The following PTPRE variants were observed in gnomAD, a reference collection of about 807,000 sequenced individuals.
The protein encoded by PTPRE is protein tyrosine phosphatase receptor type E, also known as receptor-type tyrosine-protein phosphatase epsilon.
A neutral mutation model predicts 102.0 loss-of-function variants in PTPRE; 51 were observed. The ratio of observed to expected loss-of-function variants is 0.50; its 90% CI spans 0.40 to 0.63. The LOEUF is 0.63. Ranked by LOEUF, PTPRE falls within the 30% of genes least tolerant of loss-of-function variation. The probability of loss-of-function intolerance (pLI) is 0.00; values close to 1 mark genes in which losing one functional copy is unlikely to be tolerated. For missense variants in PTPRE, 752 were observed against 915.1 expected (o/e 0.82, Z 2.30); for synonymous variants, 345 against 348.2 (o/e 0.99, Z 0.10).
chr10:128,011,351 G>A (rs1020914387), intron 2 of PTPRE, among the ~76,000 whole-genome samples: 2 of 152,234 alleles, frequency 1.3e-5, no homozygotes, highest in East Asian at 3.9e-4. Flanking sequence ...AAATGTTTGG[G>A]CATTGGTGAA....
chr10:128,040,953 G>T lies in PTPRE; in HGVS notation c.72G>T (p.Glu24Asp). 1.9e-6 allele frequency: 3 copies of T among 1,614,084 alleles called. No individual in the cohort carries two copies. The highest frequency in any genetic ancestry group is 2.5e-6 in the Non-Finnish European group (3 of 1,180,006). Reference sequence around the variant, plus strand: ...TCGCCAGGGCTCTCAGGGGCAACGAGACCACTGCCGACAGCAACGAGACAA... The same window carrying T: ...TCGCCAGGGCTCTCAGGGGCAACGATACCACTGCCGACAGCAACGAGACAA... Reference protein sequence around the residue: ...LPLARALRGNETTADSNETTT... With the variant: ...LPLARALRGNDTTADSNETTT... The change falls in exon 3 of 21, where the codon GAG (glutamate) becomes GAT (aspartate). Residue 24 changes from glutamate (E) to aspartate (D), a missense_variant. By Grantham distance (45) the Glu-to-Asp change is conservative. Around this residue, in one of 2 missense-constraint regions of PTPRE, gnomAD observed 116 missense variants for 90.8 expected, o/e 1.28. Transcript: ENST00000254667.
chr10:127,960,640 C>T (rs1849721579), intron 1 of PTPRE, among the ~76,000 whole-genome samples: 1 of 152,214 alleles, frequency 6.6e-6, no homozygotes, highest in Non-Finnish European at 1.5e-5. Flanking sequence ...GACCTCCTAG[C>T]TCAATAAATG....
chr10:128,074,487 A>G (rs12246046), intron 17 of PTPRE, among the ~76,000 whole-genome samples: 36,133 of 152,150 alleles, frequency 0.24, 4,529 homozygotes, highest in African/African-American at 0.31. Flanking sequence ...CCAACATGGC[A>G]AAACCCCGCT....
At chr10:127,997,962 G>A (rs1485354915) in intron 2 of PTPRE, among the ~76,000 whole-genome samples, 1 of 152,198 alleles carries the variant, frequency 6.6e-6, no homozygotes, top group African/African-American at 2.4e-5. Context: ...GAAGCTAAGA[G>A]TTCGATTCAC....
At chr10:128,015,911 A>T (rs997347421) in intron 2 of PTPRE, among the ~76,000 whole-genome samples, 1 of 152,214 alleles carries the variant, frequency 6.6e-6, no homozygotes, top group Non-Finnish European at 1.5e-5. Context: ...TGCGGTGCCC[A>T]TGAGAAAGCG....
At chr10:128,021,715 G>A (rs749058237) in intron 2 of PTPRE, among the ~76,000 whole-genome samples, 28 of 152,192 alleles carry the variant, frequency 1.8e-4, no homozygotes, top group Non-Finnish European at 3.1e-4. Flanking sequence ...ACTGTGCCCC[G>A]GAGTCTCACC....
rs143600735 is a variant in PTPRE, at chr10:128,068,270, A to G, written c.991A>G (p.Ile331Val). 1 of 1,613,504 alleles carries G rather than the reference A, an allele frequency of 6.2e-7. No homozygotes were observed. The highest frequency in any genetic ancestry group is 8.5e-7 in the Non-Finnish European group (1 of 1,179,672). The change falls in exon 12 of 21, where the codon ATC (isoleucine) becomes GTC (valine). Residue 331 changes from isoleucine (I) to valine (V), a missense_variant. By Grantham distance (29) the Ile-to-Val change is conservative. Transcript: ENST00000254667. ...KTLNPVHAGPIVVHCSAGVGR... is the reference protein window; with the variant it reads ...KTLNPVHAGPVVVHCSAGVGR... ...GCTCAACCCCGTGCACGCTGGGCCC[A>G]TCGTGGTCCACTGTAGGTACGCTGT...
intron 2 of PTPRE, among the ~76,000 whole-genome samples, chr10:128,025,584 C>G (rs1564897109): frequency 1.3e-5 from 2 of 152,192 alleles, no homozygotes; most frequent in South Asian, 4.1e-4. Context: ...ATCCTGAGCT[C>G]CTCCCAGACC....
At chr10:128,014,400 G>A (rs895891958) in intron 2 of PTPRE, among the ~76,000 whole-genome samples, 4 of 152,160 alleles carry the variant, frequency 2.6e-5, no homozygotes, top group Non-Finnish European at 5.9e-5. Context: ...GAAGATGGGG[G>A]CAATTCTTTG....
At chr10:128,037,859 T>C in intron 2 of PTPRE, among the ~76,000 whole-genome samples, 1 of 152,134 alleles carries the variant, frequency 6.6e-6, no homozygotes, top group East Asian at 1.9e-4. Flanking sequence ...TGGTGCGATC[T>C]CGGCTCACTA....
At chr10:128,015,653 C>T (rs114093176) in intron 2 of PTPRE, among the ~76,000 whole-genome samples, 4,768 of 152,244 alleles carry the variant, frequency 0.031, 256 homozygotes, top group African/African-American at 0.11. Flanking sequence ...TGAGCTACCA[C>T]GTCCAGCTGA....
chr10:127,988,696 G>A (rs77493834), intron 2 of PTPRE, among the ~76,000 whole-genome samples: 1,996 of 152,248 alleles, frequency 0.013, 41 homozygotes, highest in African/African-American at 0.046. Context: ...GGAGGGAGGA[G>A]AGCAAGGGTT....
At chr10:127,913,422 A>T (rs1846000166) in intron 1 of PTPRE, among the ~76,000 whole-genome samples, 1 of 152,242 alleles carries the variant, frequency 6.6e-6, no homozygotes. Flanking sequence ...AATTAGTTCC[A>T]TCTTTCTTCT....
chr10:128,041,726 T>A (rs1024606828), intron 3 of PTPRE, among the ~76,000 whole-genome samples: 38 of 151,280 alleles, frequency 2.5e-4, no homozygotes, highest in Non-Finnish European at 1.3e-4. Context: ...GTTTTATTTT[T>A]AAAAAGAAGA....
chr10:128,002,294 G>A (rs1433175519), intron 2 of PTPRE, among the ~76,000 whole-genome samples: 2 of 152,204 alleles, frequency 1.3e-5, no homozygotes, highest in East Asian at 1.9e-4. Flanking sequence ...GGGGGAACAA[G>A]GCCATCAGGA....
intron 12 of PTPRE, chr10:128,068,940 T>C (rs1282615140): frequency 6.6e-6 from 1 of 152,516 alleles, no homozygotes. Flanking sequence ...CTGGCAGTGA[T>C]TGGCCTCACC....
chr10:128,079,260 C>G (rs965556270), intron 19 of PTPRE, among the ~76,000 whole-genome samples: 3 of 152,104 alleles, frequency 2.0e-5, no homozygotes, highest in Non-Finnish European at 4.4e-5. Context: ...AGAACCATTG[C>G]CCTACACAAG....
intron 2 of PTPRE, among the ~76,000 whole-genome samples, chr10:128,026,540 T>C (rs1416570357): frequency 6.6e-6 from 1 of 152,350 alleles, no homozygotes; most frequent in East Asian, 1.9e-4. Context: ...GTCCCTGCAG[T>C]GATAGCCAGA....
chr10:127,982,428 G>A (rs1214462224), intron 2 of PTPRE, 132 bp downstream of exon 2: 2 of 577,026 alleles, frequency 3.5e-6, no homozygotes, highest in Non-Finnish European at 2.6e-6. Flanking sequence ...TGTTATATTT[G>A]AATTTTATGC....
Sources: gnomAD v4.1 joint callset for allele counts (sites outside exome capture counted in the v4.1 genomes callset) on GRCh38, gnomAD v4.1.1 for gene constraint, gnomAD v4.1.1 regional missense constraint, MANE v1.5 for transcripts, NCBI Gene and HGNC (gene_info 2026-07-23, HGNC 2026-07-21) for gene names.